Variants in ALPL observed in about 807,000 individuals in gnomAD.
ALPL encodes the protein alkaline phosphatase, biomineralization associated, also known as alkaline phosphatase, tissue-nonspecific isozyme.
A neutral mutation model predicts 51.3 loss-of-function variants in ALPL; 42 were observed. That is an observed-to-expected ratio of 0.82 (90% CI 0.64 to 1.06). ALPL has a LOEUF of 1.06. ALPL is among the 50% of genes least tolerant of loss of function. The pLI, the probability that ALPL is intolerant of heterozygous loss-of-function variation, is 0.00. For synonymous variants in ALPL, 279 were observed against 296.4 expected (o/e 0.94, Z 0.60); for missense variants, 589 against 709.4 (o/e 0.83, Z 1.93).
rs1284507404 is a variant in ALPL, at chr1:21,553,192, A to AAT, written c.-104-775_-104-774dup. Among the ~76,000 whole-genome samples, 176 of 151,842 alleles carry AAT rather than the reference A, an allele frequency of 1.2e-3. 2 individuals carry two copies. The highest frequency in any genetic ancestry group is 4.0e-3 in the African/African-American group (166 of 41,482). On this transcript the variant is annotated intron_variant, in intron 1 of 11. Coordinates refer to ENST00000374840, the MANE Select transcript of ALPL (RefSeq NM_000478.6). Reference sequence around the variant, plus strand: ...AACTCTTCAATTACATCCGACTTTAAATATATATATATTTTTTAAAAATTG... The same window carrying AAT: ...AACTCTTCAATTACATCCGACTTTAAATATATATATATATTTTTTAAAAATTG...
chr1:21,560,707 C>G lies in ALPL; in HGVS notation c.143C>G (p.Thr48Ser), dbSNP rs1430855435. Residue 48 changes from threonine to serine, a missense_variant, in exon 3 of 12, where the codon ACC becomes AGC. Transcript: ENST00000374840. ...GCCCTGGAGCTTCAGAAGCTCAACACCAACGTGGCTAAGAATGTCATCATG... is the reference window on the plus strand; with the variant it reads ...GCCCTGGAGCTTCAGAAGCTCAACAGCAACGTGGCTAAGAATGTCATCATG... ...KYALELQKLNTNVAKNVIMFL... is the reference protein window; with the variant it reads ...KYALELQKLNSNVAKNVIMFL... 1.1e-5 allele frequency: 18 copies of G among 1,614,164 alleles called. No homozygotes were observed. Among genetic ancestry groups the G allele is most frequent in the Admixed American group, 1.7e-5 (1 of 60,010 alleles).
rs149356924 is a variant in ALPL at position 21,549,013 on chromosome 1, T to C, written c.-104-4965T>C. Among the ~76,000 whole-genome samples, 592 of 152,354 alleles carry C rather than the reference T, an allele frequency of 3.9e-3. 2 individuals carry two copies. The highest frequency in any genetic ancestry group is 4.8e-3 in the Non-Finnish European group (327 of 68,034). On this transcript the variant is annotated intron_variant, in intron 1 of 11. Transcript: ENST00000374840. ...AGACATTGCCTCCACCACTCCTTAC[T>C]AATTCATTTCCCTAGTTGTGGACGA...
intron 1 of ALPL, among the ~76,000 whole-genome samples, chr1:21,510,527 C>A (rs1445600038): frequency 6.6e-6 from 1 of 152,062 alleles, no homozygotes; most frequent in Non-Finnish European, 1.5e-5. Context: ...GAAGGCCTAC[C>A]GTGCGTAGAG....
At chr1:21,554,182 G>A (rs1644368219) in intron 2 of ALPL, 40 bp downstream of exon 2, 2 of 1,591,648 alleles carry the variant, frequency 1.3e-6, no homozygotes. Context: ...AAAAGGTGGT[G>A]CAGATGGGGT....
intron 1 of ALPL, among the ~76,000 whole-genome samples, chr1:21,511,608 G>T (rs1186713096): frequency 6.6e-6 from 1 of 152,206 alleles, no homozygotes. Context: ...CATGTGGGGT[G>T]GCATGGTGCC....
intron 9 of ALPL, 66 bp downstream of exon 9, chr1:21,573,865 G>A (rs1644688760): frequency 6.2e-7 from 1 of 1,610,118 alleles, no homozygotes; most frequent in Non-Finnish European, 8.5e-7. Flanking sequence ...GGATGGAGAA[G>A]TCCAGCTCTT....
At chr1:21,547,032 G>C (rs1051678731) in intron 1 of ALPL, among the ~76,000 whole-genome samples, 1 of 152,226 alleles carries the variant, frequency 6.6e-6, no homozygotes, top group Non-Finnish European at 1.5e-5. Context: ...CATACAGTAG[G>C]TGCTTTGTCC....
intron 2 of ALPL, among the ~76,000 whole-genome samples, chr1:21,554,821 C>A (rs1455361885): frequency 1.1e-5 from 1 of 87,264 alleles, no homozygotes; most frequent in African/African-American, 4.2e-5. Flanking sequence ...GTCTGTCTTT[C>A]TTTCTTTCTT....
chr1:21,532,666 T>A (rs1644045991), intron 1 of ALPL, among the ~76,000 whole-genome samples: 1 of 152,218 alleles, frequency 6.6e-6, no homozygotes, highest in Non-Finnish European at 1.5e-5. Flanking sequence ...AACCTCTGCG[T>A]GCACCTTACA....
At chr1:21,515,680 C>T (rs1438973899) in intron 1 of ALPL, among the ~76,000 whole-genome samples, 2 of 152,196 alleles carry the variant, frequency 1.3e-5, no homozygotes, top group African/African-American at 4.8e-5. Flanking sequence ...TGGGCCACCA[C>T]ACCTGGCCCC....
At chr1:21,556,830 T>C (rs1197518491) in intron 2 of ALPL, among the ~76,000 whole-genome samples, 4 of 152,158 alleles carry the variant, frequency 2.6e-5, no homozygotes, top group Non-Finnish European at 4.4e-5. Context: ...TGCCAGCTAC[T>C]TGGGAGGCTG....
intron 1 of ALPL, among the ~76,000 whole-genome samples, chr1:21,511,130 C>T (rs570789895): frequency 6.6e-6 from 1 of 152,350 alleles, no homozygotes; most frequent in South Asian, 2.1e-4. Context: ...GGGAATGCCA[C>T]AGTAAATCAG....
chr1:21,572,415 A>C (rs1644662030), intron 8 of ALPL, among the ~76,000 whole-genome samples: 1 of 152,144 alleles, frequency 6.6e-6, no homozygotes, highest in South Asian at 2.1e-4. Context: ...CTGGCTTCCC[A>C]CAGAGATCCA....
intron 1 of ALPL, among the ~76,000 whole-genome samples, chr1:21,540,751 C>T (rs1458335077): frequency 1.3e-5 from 2 of 152,186 alleles, no homozygotes; most frequent in Non-Finnish European, 2.9e-5. Flanking sequence ...TCTCTCTCTG[C>T]TCATCTCAAC....
chr1:21,530,623 C>A (rs1447618264), intron 1 of ALPL, among the ~76,000 whole-genome samples: 1 of 152,014 alleles, frequency 6.6e-6, no homozygotes. Flanking sequence ...CAGGGAGAAA[C>A]AGTGAGGAGA....
intron 1 of ALPL, among the ~76,000 whole-genome samples, chr1:21,527,015 G>GTTCTGTTCTTTTCTTTTCTTTTCTT (rs1643953309): frequency 2.1e-5 from 3 of 140,528 alleles, no homozygotes; most frequent in Admixed American, 1.5e-4. Context: ...TGTTATTCTT[G>GTTCTGTTCTTTTCTTTTCTTTTCTT]TTCTTTTCTT....
At chr1:21,515,610 A>T (rs1056404006) in intron 1 of ALPL, among the ~76,000 whole-genome samples, 3 of 152,068 alleles carry the variant, frequency 2.0e-5, no homozygotes, top group Non-Finnish European at 4.4e-5. Context: ...GTTGATCTTG[A>T]ACTCCTGACC....
intron 1 of ALPL, among the ~76,000 whole-genome samples, chr1:21,547,309 G>T (rs2148122171): frequency 6.6e-6 from 1 of 152,014 alleles, no homozygotes; most frequent in South Asian, 2.1e-4. Flanking sequence ...CAGGGATAAA[G>T]CGGGTCACGG....
intron 1 of ALPL, among the ~76,000 whole-genome samples, chr1:21,514,248 A>C (rs72659159): frequency 0.041 from 6,179 of 152,108 alleles, 222 homozygotes; most frequent in Non-Finnish European, 0.061. Context: ...CCCAGGGTCT[A>C]GCTGGGGACA....
Sources: gnomAD v4.1 joint callset for allele counts (sites outside exome capture counted in the v4.1 genomes callset) on GRCh38, gnomAD v4.1.1 for gene constraint, MANE v1.5 for transcripts, NCBI Gene and HGNC (gene_info 2026-07-23, HGNC 2026-07-21) for gene names.